The following PSME4 variants were observed in gnomAD, a reference collection of about 807,000 sequenced individuals.
PSME4 encodes the protein proteasome activator complex subunit 4.
Under a neutral mutation model 253.9 loss-of-function variants are expected in PSME4, and 89 were observed. The observed-to-expected ratio is 0.35, with a 90% CI of 0.30 to 0.42. The LOEUF (loss-of-function observed/expected upper bound fraction) is 0.42. PSME4 is among the 10% of genes least tolerant of loss of function. The pLI is 1.00. For synonymous variants in PSME4, 851 were observed against 759.2 expected, an observed-to-expected ratio of 1.12 and a Z score of -1.99; for missense variants, 2,014 against 2,195.2, an observed-to-expected ratio of 0.92 and a Z score of 1.65.
Position 53,896,838 on chromosome 2 carries a change from G to A in PSME4, c.3654C>T (p.Thr1218=). 4.3e-6 allele frequency: 7 copies of A among 1,611,998 alleles called. No individual in the cohort carries two copies. Among genetic ancestry groups the A allele is most frequent in the Non-Finnish European group, 5.9e-6 (7 of 1,178,224 alleles). Residue 1218 remains threonine, a synonymous_variant, in exon 32 of 47, where the codon ACC becomes ACT. Transcript: ENST00000404125. The part of the protein sequence containing the change: ...VAGILKQLKR[T]HKKLTINPCE... ...AGGGGTTAATGGTCAGCTTTTTGTG[G>A]GTTCTTTTTAGCTGTTTAAGGATAC...
chr2:53,868,249 G>C (rs1234545878), intron 44 of PSME4, among the ~76,000 whole-genome samples: 3 of 151,418 alleles, frequency 2.0e-5, no homozygotes, highest in Non-Finnish European at 4.4e-5. Context: ...TTGAGGTCAG[G>C]AGTTCAAGAC....
intron 29 of PSME4, among the ~76,000 whole-genome samples, chr2:53,898,633 G>GCACACACACACA (rs199900623): frequency 2.1e-5 from 3 of 142,504 alleles, no homozygotes; most frequent in African/African-American, 5.1e-5. Flanking sequence ...ATTGGGAGTG[G>GCACACACACACA]CACACACACA....
intron 1 of PSME4, among the ~76,000 whole-genome samples, chr2:53,951,940 G>A (rs1248346285): frequency 2.0e-5 from 3 of 152,190 alleles, no homozygotes; most frequent in Non-Finnish European, 4.4e-5. Context: ...ATTTTGGGCT[G>A]TTGAATAAGC....
chr2:53,866,491 A>G (rs1485132550), intron 45 of PSME4, among the ~76,000 whole-genome samples: 1 of 152,234 alleles, frequency 6.6e-6, no homozygotes, highest in Admixed American at 6.5e-5. Context: ...TCACAACAAT[A>G]TTGACAGTAC....
In PSME4 at chr2:53,865,392, G is replaced by C. The variant is rs1424614855; in HGVS notation, c.*186C>G. ...GTATTCTGGAAACACTTCCGGACAAGTTGGGAAATCAAATGGCAACTGAGA... is the reference window on the plus strand; with the variant it reads ...GTATTCTGGAAACACTTCCGGACAACTTGGGAAATCAAATGGCAACTGAGA... On this transcript the variant is annotated 3_prime_UTR_variant, in exon 47 of 47. Coordinates refer to ENST00000404125, the MANE Select transcript of PSME4 (RefSeq NM_014614.3). 1 of 152,178 alleles carries C rather than the reference G, an allele frequency of 6.6e-6. No individual in the cohort carries two copies. The highest frequency in any genetic ancestry group is 1.5e-5 in the Non-Finnish European group (1 of 68,006). The allele number at this position is 152,178 out of a possible 1,614,324, so 9.4% of individuals were successfully genotyped here.
intron 40 of PSME4, 116 bp downstream of exon 40, chr2:53,887,143 A>G: frequency 1.1e-6 from 1 of 918,632 alleles, no homozygotes; most frequent in South Asian, 1.7e-5. Flanking sequence ...AATGGTTAAA[A>G]CAGTAAATTT....
chr2:53,951,089 T>A (rs1405935839), intron 1 of PSME4, among the ~76,000 whole-genome samples: 1 of 151,228 alleles, frequency 6.6e-6, no homozygotes, highest in Non-Finnish European at 1.5e-5. Flanking sequence ...TTAACTTCTT[T>A]TTTTTCCCCC....
intron 28 of PSME4, among the ~76,000 whole-genome samples, chr2:53,901,044 T>C (rs1015034327): frequency 9.9e-5 from 15 of 152,140 alleles, no homozygotes; most frequent in African/African-American, 3.6e-4. Context: ...TCATAAAATA[T>C]AATTAACTCT....
At chr2:53,865,981 A>G in intron 46 of PSME4, 104 bp downstream of exon 46, 1 of 1,216,590 alleles carries the variant, frequency 8.2e-7, no homozygotes, top group Non-Finnish European at 1.1e-6. Flanking sequence ...ATCCAACTTT[A>G]TCTAAACACT....
At chr2:53,921,150 C>A (rs1278449727) in intron 17 of PSME4, 46 bp from the exon 18 acceptor site, 1 of 1,607,454 alleles carries the variant, frequency 6.2e-7, no homozygotes, top group African/African-American at 1.3e-5. Flanking sequence ...GTTAAAAGAA[C>A]AAGAACCAAT....
At chr2:53,879,556 A>G (rs995701641) in intron 41 of PSME4, among the ~76,000 whole-genome samples, 21 of 152,212 alleles carry the variant, frequency 1.4e-4, no homozygotes, top group African/African-American at 5.1e-4. Flanking sequence ...AAGAGTTTTC[A>G]CATGAGAGGT....
chr2:53,917,788 A>G (rs1668125392), intron 20 of PSME4, among the ~76,000 whole-genome samples: 1 of 152,228 alleles, frequency 6.6e-6, no homozygotes, highest in African/African-American at 2.4e-5. Context: ...GTGAAAATCG[A>G]AACAATTTTT....
intron 3 of PSME4, among the ~76,000 whole-genome samples, chr2:53,942,635 G>C (rs1480587531): frequency 6.6e-6 from 1 of 151,996 alleles, no homozygotes. Flanking sequence ...AATTAAATGA[G>C]ATAAGGTATA....
intron 45 of PSME4, 32 bp downstream of exon 45, chr2:53,866,715 T>TA (rs1678581828): frequency 6.3e-7 from 1 of 1,591,212 alleles, no homozygotes; most frequent in African/African-American, 1.4e-5. Context: ...TCACTGATAA[T>TA]ACACGTACAA....
intron 41 of PSME4, among the ~76,000 whole-genome samples, chr2:53,881,865 T>C (rs2104419040): frequency 6.6e-6 from 1 of 152,280 alleles, no homozygotes; most frequent in Non-Finnish European, 1.5e-5. Context: ...ATTACAGGCG[T>C]GAGCCACTGT....
Position 53,889,095 on chromosome 2 carries a change from C to T in PSME4, c.4297-283G>A, listed in dbSNP as rs187971939. 1.4e-3 allele frequency among the ~76,000 whole-genome samples: 216 copies of T among 152,206 alleles called. No homozygotes were observed. The Middle Eastern group carries it at 0.024, about 17-fold the overall frequency. On this transcript the variant is annotated intron_variant, in intron 37 of 46. Coordinates refer to ENST00000404125, the MANE Select transcript of PSME4 (RefSeq NM_014614.3). Reference sequence around the variant, plus strand: ...GCCCAGGCTGGTCTCCAACTCCTGGCCCCAAGCTATCTTCCTGCCTCGGCC... The same window carrying T: ...GCCCAGGCTGGTCTCCAACTCCTGGTCCCAAGCTATCTTCCTGCCTCGGCC...
At chr2:53,889,481 C>A (rs1679799569) in intron 37 of PSME4, among the ~76,000 whole-genome samples, 1 of 152,058 alleles carries the variant, frequency 6.6e-6, no homozygotes. Flanking sequence ...CCCCCCACCC[C>A]CTTCTGAAAT....
In PSME4 at chr2:53,970,718, G is replaced by C. The variant is rs1048758461; in HGVS notation, c.67C>G (p.Pro23Ala). 6.5e-7 allele frequency: 1 copy of C among 1,548,252 alleles called. No homozygotes were observed. The highest frequency in any genetic ancestry group is 1.4e-5 in the African/African-American group (1 of 73,104). The change falls in exon 1 of 47, where the codon CCG (proline) becomes GCG (alanine). Residue 23 changes from proline to alanine, a missense_variant. Coordinates refer to ENST00000404125, the MANE Select transcript of PSME4 (RefSeq NM_014614.3). ...PEPGGRPEPG[P>A]RGFVPQKEIV... ...TCCTTCTGCGGGACGAAGCCCCGCG[G>C]GCCCGGCTCGGGACGCCCGCCCGGC...
rs535896334 is a variant in PSME4, at chr2:53,915,261, C to T, written c.2516+3890G>A. Among the ~76,000 whole-genome samples the T allele has an allele frequency of 5.9e-5, 9 of 151,912 alleles. No homozygotes were observed. The East Asian group carries it at 7.8e-4, about 13-fold the overall frequency. ...ATTGAGACCAGCCTAGGCAACAAAG[C>T]GAAATCCTATCTCCACAAAAAATAC... On this transcript the variant is annotated intron_variant, in intron 20 of 46. Transcript: ENST00000404125.
Sources: gnomAD v4.1 joint callset for allele counts (sites outside exome capture counted in the v4.1 genomes callset) on GRCh38, gnomAD v4.1.1 for gene constraint, MANE v1.5 for transcripts, NCBI Gene and HGNC (gene_info 2026-07-23, HGNC 2026-07-21) for gene names.